TEX2: variants seen among roughly 807,000 people sequenced by gnomAD.
TEX2 encodes testis-expressed protein 2.
A neutral mutation model predicts 106.9 loss-of-function variants in TEX2; 53 were observed. The observed-to-expected ratio is 0.50, with a 90% CI of 0.40 to 0.62. The LOEUF is 0.62. Among genes scored for constraint, TEX2 ranks in the 20% least tolerant of loss-of-function variants. The probability of loss-of-function intolerance (pLI) is 0.00; values close to 1 mark genes in which losing one functional copy is unlikely to be tolerated. For synonymous variants in TEX2, 523 were observed against 534.8 expected, an observed-to-expected ratio of 0.98 and a Z score of 0.30; for missense variants, 1,207 against 1,379.0, an observed-to-expected ratio of 0.88 and a Z score of 1.98.
In TEX2 at chr17:64,215,465, G is replaced by A. The variant is rs75805353; in HGVS notation, c.-25-1223C>T. 5.5e-3 allele frequency among the ~76,000 whole-genome samples: 836 copies of A among 152,284 alleles called. 19 individuals are homozygous for A. The East Asian group carries it at 0.061, about 11-fold the overall frequency. On this transcript the variant is annotated intron_variant, in intron 1 of 11. Transcript: ENST00000584379. ...GTGTGCAGCCACCTGGCTCTATTCT[G>A]TTTCCAGGACAGAGGGTGAGTGTGG...
At chr17:64,212,446 GC>G in intron 2 of TEX2, 127 bp downstream of exon 2, 1 of 805,084 alleles carries the variant, frequency 1.2e-6, no homozygotes, top group Non-Finnish European at 2.0e-6. Context: ...GAATGAAGTG[GC>G]CCCAAGCTCT....
At position 64,240,196 on chromosome 17, in the gene TEX2, T is replaced by C. The variant is rs147440631; in HGVS notation, c.-26+22972A>G. ...AAGCTTAACTTTCCTCTATGATCTT[T>C]ATATATACAGATGTATATAAGTATG... On this transcript the variant is annotated intron_variant, in intron 1 of 11. Coordinates refer to ENST00000584379, the MANE Select transcript of TEX2 (RefSeq NM_001288732.2). Among the ~76,000 whole-genome samples, 802 of 152,148 alleles carry C rather than the reference T, an allele frequency of 5.3e-3. 11 individuals carry two copies. The highest frequency in any genetic ancestry group is 0.018 in the African/African-American group (741 of 41,434).
At position 64,214,191 on chromosome 17, in the gene TEX2, G is replaced by C. The variant is rs369722027; in HGVS notation, c.27C>G (p.Ala9=). Residue 9 remains alanine, a synonymous_variant, in exon 2 of 12, where the codon GCC becomes GCG. Coordinates refer to ENST00000584379, the MANE Select transcript of TEX2 (RefSeq NM_001288732.2). MTSLYGRH[A]EKTTDMPKPS... The stretch of plus-strand genomic sequence containing the variant: ...GTTTTGGCATGTCAGTGGTTTTCTC[G>C]GCATGGCGACCATACAGACTTGTCA... The C allele has an allele frequency of 1.1e-5, 17 of 1,613,792 alleles. No homozygotes were observed. The highest frequency in any genetic ancestry group is 1.2e-5 in the Non-Finnish European group (14 of 1,179,828).
At chr17:64,169,920 C>T (rs1043002139) in intron 7 of TEX2, among the ~76,000 whole-genome samples, 8 of 152,164 alleles carry the variant, frequency 5.3e-5, no homozygotes, top group Admixed American at 1.3e-4. Flanking sequence ...AGGGAGGCTA[C>T]AGTAAAAACG....
intron 1 of TEX2, among the ~76,000 whole-genome samples, chr17:64,256,789 T>C (rs1357242553): frequency 6.6e-6 from 1 of 152,200 alleles, no homozygotes; most frequent in Non-Finnish European, 1.5e-5. Context: ...TGAATGACGA[T>C]CACTGTTCAG....
intron 1 of TEX2, among the ~76,000 whole-genome samples, chr17:64,246,136 G>C (rs184799737): frequency 1.3e-4 from 20 of 152,336 alleles, no homozygotes; most frequent in Non-Finnish European, 2.4e-4. Context: ...CTGAGCACTA[G>C]AGGCTGAAAT....
chr17:64,213,510 C>CT lies in TEX2; in HGVS notation c.707dup (p.Pro237AlafsTer3). 1 of 1,614,090 alleles carries CT rather than the reference C, an allele frequency of 6.2e-7. No individual in the cohort carries two copies. The highest frequency in any genetic ancestry group is 8.5e-7 in the Non-Finnish European group (1 of 1,179,998). ...GTAAGTTCAGTTTGGAATCAGGTGG[C>CT]TTATAGGACACTGTATCCGACTCCT... On this transcript the variant is annotated frameshift_variant, in exon 2 of 12. Coordinates refer to ENST00000584379, the MANE Select transcript of TEX2 (RefSeq NM_001288732.2). LOFTEE classifies it high-confidence loss of function. This position sits in a 1 kb window ranked among gnomAD's most constrained non-coding sequence, Gnocchi z 4.4.
At chr17:64,261,630 T>C (rs1237425240) in intron 1 of TEX2, among the ~76,000 whole-genome samples, 1 of 152,182 alleles carries the variant, frequency 6.6e-6, no homozygotes, top group East Asian at 1.9e-4. Context: ...TCAGGCACAG[T>C]GCCTTTTACT....
Position 64,188,376 on chromosome 17 carries a change from C to T in TEX2, c.2216G>A (p.Gly739Glu), listed in dbSNP as rs771619508. 7 of 1,614,068 alleles carry T rather than the reference C, an allele frequency of 4.3e-6. No individual in the cohort carries two copies. The Middle Eastern group carries it at 4.9e-4, about 114-fold the overall frequency. Residue 739 changes from glycine (G) to glutamate (E), a missense_variant, in exon 5 of 12, where the codon GGG (glycine) becomes GAG (glutamate). Physicochemically the swap from Gly to Glu is moderately conservative, Grantham distance 98 (BLOSUM62 -2). This residue lies in a region of TEX2 where 1,067 missense variants were observed against 1,193.6 expected (regional missense o/e 0.89). Coordinates refer to ENST00000584379, the MANE Select transcript of TEX2 (RefSeq NM_001288732.2). ...GCTGCTGCGGCTGTGGGTCAGGTGC[C>T]CGGACGGACTGTTGTGTCTGCTGTG... ...PAHSRHNSPS[G>E]HLTHSRSSSK...
intron 2 of TEX2, among the ~76,000 whole-genome samples, chr17:64,200,650 G>C (rs2032630320): frequency 6.6e-6 from 1 of 152,226 alleles, no homozygotes; most frequent in Admixed American, 6.5e-5. Flanking sequence ...ATGTGAAAGA[G>C]AGAAGGGAGT....
chr17:64,239,322 T>C (rs1253589783), intron 1 of TEX2: 1 of 152,240 alleles, frequency 6.6e-6, no homozygotes, highest in Non-Finnish European at 1.5e-5. Context: ...TAAAGAGCTG[T>C]CTTTGTCAAT....
At chr17:64,207,477 C>G (rs1555630892) in intron 2 of TEX2, among the ~76,000 whole-genome samples, 1 of 152,164 alleles carries the variant, frequency 6.6e-6, no homozygotes, top group East Asian at 1.9e-4. Flanking sequence ...AGAATTGCAC[C>G]ATCTTCTGTA....
In TEX2 at chr17:64,156,367, G is replaced by C. The variant is rs74929575; in HGVS notation, c.2805-1400C>G. On this transcript the variant is annotated intron_variant, in intron 8 of 11. Coordinates refer to ENST00000584379, the MANE Select transcript of TEX2 (RefSeq NM_001288732.2). The stretch of plus-strand genomic sequence containing the variant: ...ATTAGAGCCAGTGCTCCAGCCAACA[G>C]GCTGGACTTCCACATTAAAGGGAAA... The C allele has an allele frequency of 3.7e-3, 561 of 152,382 alleles. 2 individuals are homozygous for C. Among genetic ancestry groups the C allele is most frequent in the Non-Finnish European group, 6.0e-3 (407 of 68,098 alleles). The allele number at this position is 152,382 out of a possible 1,614,324, so 9.4% of individuals were successfully genotyped here. A position where few individuals can be genotyped will look rare whatever the true frequency, so the allele number is the denominator to read the frequency against.
intron 1 of TEX2, among the ~76,000 whole-genome samples, chr17:64,216,797 CCT>C (rs1451714564): frequency 6.6e-6 from 1 of 152,124 alleles, no homozygotes; most frequent in Non-Finnish European, 1.5e-5. Flanking sequence ...ACTTGGGCCC[CCT>C]GACTGGCCAG....
In TEX2 at chr17:64,180,176, T is replaced by C. The variant is rs558520241; in HGVS notation, c.2425-2705A>G. 6.6e-5 allele frequency among the ~76,000 whole-genome samples: 10 copies of C among 152,334 alleles called. No individual in the cohort carries two copies. In the South Asian group the frequency reaches 2.1e-3, roughly 32 times the overall value. On this transcript the variant is annotated intron_variant, in intron 5 of 11. Transcript: ENST00000584379. ...AGACAGTACTAAGTTGCTGCCCACG[T>C]AAGACACCACGTGTCTTATTTTAGA...
intron 2 of TEX2, among the ~76,000 whole-genome samples, chr17:64,208,123 C>T (rs1444122711): frequency 2.0e-5 from 3 of 152,164 alleles, no homozygotes. Flanking sequence ...GGTCACCAGT[C>T]GATTTCTAAG....
At chr17:64,208,640 T>G (rs567612770) in intron 2 of TEX2, among the ~76,000 whole-genome samples, 3 of 152,194 alleles carry the variant, frequency 2.0e-5, no homozygotes, top group Admixed American at 2.0e-4. Context: ...TTTTATTTTT[T>G]TAGAGACAGA....
At chr17:64,235,072 C>T (rs2033738681) in intron 1 of TEX2, among the ~76,000 whole-genome samples, 2 of 152,160 alleles carry the variant, frequency 1.3e-5, no homozygotes, top group African/African-American at 4.8e-5. Context: ...CAGAGGGACC[C>T]TGAACCAACA....
At chr17:64,248,967 G>A (rs1269089017) in intron 1 of TEX2, among the ~76,000 whole-genome samples, 2 of 151,984 alleles carry the variant, frequency 1.3e-5, no homozygotes, top group South Asian at 2.1e-4. Flanking sequence ...CCCAGGAGGC[G>A]GAGGTTGCAG....
Sources: allele counts gnomAD v4.1 joint callset (sites outside exome capture counted in the v4.1 genomes callset), GRCh38; gene constraint gnomAD v4.1.1; regional missense constraint gnomAD v4.1.1; non-coding constraint Gnocchi (gnomAD v3.1); transcripts MANE v1.5; gene names NCBI Gene and HGNC (gene_info 2026-07-23, HGNC 2026-07-21).